YTHDF2: variants seen among roughly 807,000 people sequenced by gnomAD.
YTHDF2 encodes YTH N6-methyladenosine RNA binding protein F2.
Under a neutral mutation model 50.4 loss-of-function variants are expected in YTHDF2, and 2 were observed. The observed-to-expected ratio is 0.04, with a 90% CI of 0.02 to 0.12. YTHDF2 has a LOEUF of 0.12. YTHDF2 is among the 10% of genes least tolerant of loss of function. The pLI is 1.00. For synonymous variants in YTHDF2, 217 were observed against 255.6 expected, an observed-to-expected ratio of 0.85 and a Z score of 1.44; for missense variants, 483 against 722.6, an observed-to-expected ratio of 0.67 and a Z score of 3.80.
chr1:28,763,364 C>A (rs532604504), intron 4 of YTHDF2, among the ~76,000 whole-genome samples: 1 of 151,602 alleles, frequency 6.6e-6, no homozygotes, highest in Admixed American at 6.6e-5. Flanking sequence ...ACCTCTGCCC[C>A]CTGGGTTCAA....
At chr1:28,766,239 A>C (rs2088213623) in intron 4 of YTHDF2, among the ~76,000 whole-genome samples, 1 of 149,904 alleles carries the variant, frequency 6.7e-6, no homozygotes, top group Non-Finnish European at 1.5e-5. Flanking sequence ...CTACAGGTGC[A>C]TGCCACCACA....
At position 28,743,319 on chromosome 1, in the gene YTHDF2, G is replaced by A; in HGVS notation, c.1049G>A (p.Arg350His). 6.2e-7 allele frequency: 1 copy of A among 1,614,142 alleles called. No individual in the cohort carries two copies. The highest frequency in any genetic ancestry group is 8.5e-7 in the Non-Finnish European group (1 of 1,180,036). ...CAGCAACAGGCAGCTCAGCCAACCC[G>A]CTGGGTAGCACCTCGGAACCGTGGC... Reference protein sequence around the residue: ...SVQQQAAQPTRWVAPRNRGSG... With the variant: ...SVQQQAAQPTHWVAPRNRGSG... The change falls in exon 4 of 5, where the codon CGC (arginine) becomes CAC (histidine). Residue 350 changes from arginine (R) to histidine (H), a missense_variant. Physicochemically the swap from Arg to His is conservative, Grantham distance 29. Transcript: ENST00000373812. The surrounding 1 kb of genome is among the most constrained non-coding windows in gnomAD (Gnocchi z 6.9).
At position 28,769,389 on chromosome 1, in the gene YTHDF2, G is replaced by A. The variant is rs2088270385; in HGVS notation, c.*437G>A. On this transcript the variant is annotated 3_prime_UTR_variant, in exon 5 of 5. Coordinates refer to ENST00000373812, the MANE Select transcript of YTHDF2 (RefSeq NM_016258.3). ...AGGTTTTGGGCATCCACCCCAGAAA[G>A]TGGGAATTTGATTTTATCCTTCCGA... The A allele has an allele frequency of 6.5e-6, 1 of 153,310 alleles. No homozygotes were observed. The highest frequency in any genetic ancestry group is 2.1e-4 in the South Asian group (1 of 4,850). 9.5% of individuals were successfully genotyped at this position (153,310 alleles called of 1,614,324 possible). A position where few individuals can be genotyped will look rare whatever the true frequency, so the allele number is the denominator to read the frequency against.
chr1:28,736,694 G>A (rs1287184704), upstream of YTHDF2: 3 of 221,570 alleles, frequency 1.4e-5, no homozygotes, highest in East Asian at 4.8e-4. Context: ...CTTAATCCTG[G>A]GGCGGTGGGG....
At chr1:28,749,018 C>G (rs538631845) in intron 4 of YTHDF2, among the ~76,000 whole-genome samples, 1 of 152,156 alleles carries the variant, frequency 6.6e-6, no homozygotes, top group Non-Finnish European at 1.5e-5. Flanking sequence ...ACCACAAACT[C>G]AGAAATTCTT....
chr1:28,737,526 C>T, intron 1 of YTHDF2, 132 bp from the exon 2 acceptor site: 4 of 1,254,446 alleles, frequency 3.2e-6, no homozygotes, highest in Non-Finnish European at 4.4e-6. Flanking sequence ...GCCTCTTCCT[C>T]ACTACCATTC....
chr1:28,745,723 C>G (rs191577340), intron 4 of YTHDF2, among the ~76,000 whole-genome samples: 1 of 76,260 alleles, frequency 1.3e-5, no homozygotes, highest in Non-Finnish European at 2.8e-5. Flanking sequence ...CATCTCCCCC[C>G]GCCCCCCCCC....
chr1:28,744,351 A>AG (rs2087827461), intron 4 of YTHDF2, among the ~76,000 whole-genome samples: 1 of 152,232 alleles, frequency 6.6e-6, no homozygotes, highest in African/African-American at 2.4e-5. Flanking sequence ...AATATGGCAG[A>AG]GAAAAATCGA....
chr1:28,743,057 A>G lies in YTHDF2; in HGVS notation c.787A>G (p.Ser263Gly), dbSNP rs566255611. 10 of 1,614,094 alleles carry G rather than the reference A, an allele frequency of 6.2e-6. No homozygotes were observed. Among genetic ancestry groups the G allele is most frequent in the Non-Finnish European group, 7.6e-6 (9 of 1,180,044 alleles). The change falls in exon 4 of 5, where the codon AGT (serine) becomes GGT (glycine). Residue 263 changes from serine (S) to glycine (G), a missense_variant. Physicochemically the swap from Ser to Gly is moderately conservative, Grantham distance 56. Coordinates refer to ENST00000373812, the MANE Select transcript of YTHDF2 (RefSeq NM_016258.3). The surrounding 1 kb of genome is among the most constrained non-coding windows in gnomAD (Gnocchi z 6.9). ...LKTKNGIAGS[S>G]LPPPPIKHNM... ...GACCAAGAATGGCATTGCAGGGTCA[A>G]GTCTTCCGCCACCCCCGATAAAGCA...
chr1:28,741,658 G>T (rs2087778892), intron 3 of YTHDF2, among the ~76,000 whole-genome samples: 1 of 152,194 alleles, frequency 6.6e-6, no homozygotes, highest in Non-Finnish European at 1.5e-5. Context: ...TAACTGAGTA[G>T]TGGGATCTAT....
Position 28,743,432 on chromosome 1 carries a change from G to T in YTHDF2, c.1162G>T (p.Val388Leu). The T allele has an allele frequency of 1.2e-6, 2 of 1,614,190 alleles. No homozygotes were observed. The highest frequency in any genetic ancestry group is 1.7e-6 in the Non-Finnish European group (2 of 1,180,034). ...ATCTACTCCTTCAGAACCCCACCCA[G>T]TGTTGGAGAAGCTTCGGTCCATTAA... The part of the protein sequence containing the change: ...SGSTPSEPHP[V>L]LEKLRSINNY... The change falls in exon 4 of 5, where the codon GTG becomes TTG. Residue 388 changes from valine (V) to leucine (L), a missense_variant. Physicochemically the swap from Val to Leu is conservative, Grantham distance 32. Coordinates refer to ENST00000373812, the MANE Select transcript of YTHDF2 (RefSeq NM_016258.3). The surrounding 1 kb of genome is among the most constrained non-coding windows in gnomAD (Gnocchi z 6.9).
At chr1:28,758,938 A>G (rs2088074088) in intron 4 of YTHDF2, among the ~76,000 whole-genome samples, 1 of 152,244 alleles carries the variant, frequency 6.6e-6, no homozygotes. Context: ...TAAAAAATAC[A>G]TTGATAACCT....
chr1:28,758,366 C>CA (rs923875090), intron 4 of YTHDF2, among the ~76,000 whole-genome samples: 7 of 151,970 alleles, frequency 4.6e-5, no homozygotes, highest in Admixed American at 3.9e-4. Context: ...ACCCTGTCTC[C>CA]AAAAAACTAA....
Position 28,743,330 on chromosome 1 carries a change from C to A in YTHDF2, c.1060C>A (p.Pro354Thr). The change falls in exon 4 of 5, where the codon CCT becomes ACT. Residue 354 changes from proline to threonine, a missense_variant. Coordinates refer to ENST00000373812, the MANE Select transcript of YTHDF2 (RefSeq NM_016258.3). This position sits in a 1 kb window ranked among gnomAD's most constrained non-coding sequence, Gnocchi z 6.9. Reference sequence around the variant, plus strand: ...AGCTCAGCCAACCCGCTGGGTAGCACCTCGGAACCGTGGCAGTGGGTTCGG... The same window carrying A: ...AGCTCAGCCAACCCGCTGGGTAGCAACTCGGAACCGTGGCAGTGGGTTCGG... ...QAAQPTRWVA[P>T]RNRGSGFGHN... 6.2e-7 allele frequency: 1 copy of A among 1,614,172 alleles called. No homozygotes were observed. Among genetic ancestry groups the A allele is most frequent in the East Asian group, 2.2e-5 (1 of 44,878 alleles).
chr1:28,737,965 C>G (rs572668370), intron 2 of YTHDF2: 8 of 572,616 alleles, frequency 1.4e-5, no homozygotes, highest in Non-Finnish European at 2.5e-5. Context: ...TTTTCATCCT[C>G]GTGGATCACT....
intron 3 of YTHDF2, among the ~76,000 whole-genome samples, chr1:28,738,850 T>C (rs2124625431): frequency 6.6e-6 from 1 of 152,370 alleles, no homozygotes; most frequent in East Asian, 1.9e-4. Context: ...AACAGTTAAC[T>C]GCAAATGTCC....
intron 4 of YTHDF2, among the ~76,000 whole-genome samples, chr1:28,752,515 C>T (rs541432668): frequency 1.4e-4 from 22 of 152,100 alleles, no homozygotes; most frequent in Admixed American, 5.9e-4. Context: ...AGGCTGGTCT[C>T]GAACCCCTGA....
intron 1 of YTHDF2, 190 bp from the exon 2 acceptor site, chr1:28,737,468 T>C (rs181489591): frequency 2.6e-6 from 2 of 758,486 alleles, no homozygotes; most frequent in Non-Finnish European, 4.1e-6. Flanking sequence ...TGCCGCGTTT[T>C]CTCCCCTGCC....
chr1:28,761,897 A>G (rs1159212225), intron 4 of YTHDF2, among the ~76,000 whole-genome samples: 8 of 152,122 alleles, frequency 5.3e-5, no homozygotes, highest in Admixed American at 4.6e-4. Flanking sequence ...ACTGATGAAA[A>G]ATACTTTGTC....
Sources: gnomAD v4.1 joint callset for allele counts (sites outside exome capture counted in the v4.1 genomes callset) on GRCh38, gnomAD v4.1.1 for gene constraint, Gnocchi (gnomAD v3.1) non-coding constraint, MANE v1.5 for transcripts, NCBI Gene and HGNC (gene_info 2026-07-23, HGNC 2026-07-21) for gene names.